Variants in LRIG1 observed in about 807,000 individuals in gnomAD.
LRIG1 encodes the protein leucine rich repeats and immunoglobulin like domains 1, also known as leucine-rich repeats and immunoglobulin-like domains protein 1.
A neutral mutation model predicts 99.2 loss-of-function variants in LRIG1; 48 were observed. The ratio of observed to expected loss-of-function variants is 0.48; its 90% confidence interval spans 0.38 to 0.62. LRIG1 has a LOEUF of 0.62. Among genes scored for constraint, LRIG1 ranks in the 20% least tolerant of loss-of-function variants. LRIG1 has a pLI of 0.00. For missense variants in LRIG1, 1,646 were observed against 1,434.4 expected, an observed-to-expected ratio of 1.15 and a Z score of -2.38; for synonymous variants, 772 against 596.1, an observed-to-expected ratio of 1.29 and a Z score of -4.30.
In LRIG1 at chr3:66,385,988, G is replaced by A. The variant is rs11553628; in HGVS notation, c.1782C>T (p.Thr594=). The change falls in exon 13 of 19, where the codon ACC becomes ACT. Residue 594 remains threonine (T), a synonymous_variant. Transcript: ENST00000273261. ...GSTYSHKARL[T]VNVLPSFTKT... Reference sequence around the variant, plus strand: ...AAGATGGTGTTTCCATACCATTCACGGTGAGCCTGGCCTTATGTGAATAGG... The same window carrying A: ...AAGATGGTGTTTCCATACCATTCACAGTGAGCCTGGCCTTATGTGAATAGG... 3.5e-3 allele frequency: 5,695 copies of A among 1,613,364 alleles called. 15 individuals carry two copies. Among genetic ancestry groups the A allele is most frequent in the Non-Finnish European group, 4.2e-3 (4,936 of 1,179,426 alleles).
At chr3:66,476,685 C>T (rs1408439220) in intron 1 of LRIG1, among the ~76,000 whole-genome samples, 1 of 152,194 alleles carries the variant, frequency 6.6e-6, no homozygotes, top group Non-Finnish European at 1.5e-5. Flanking sequence ...CATTAAAGAA[C>T]CTGCCTCAAA....
chr3:66,381,990 C>A (rs774348549), intron 16 of LRIG1, among the ~76,000 whole-genome samples: 2 of 152,158 alleles, frequency 1.3e-5, no homozygotes, highest in African/African-American at 4.8e-5. Context: ...GTTCATGCAC[C>A]GTAATGCCCT....
At chr3:66,451,657 T>G in intron 2 of LRIG1, 24 bp from the exon 3 acceptor site, 1 of 1,570,156 alleles carries the variant, frequency 6.4e-7, no homozygotes, top group South Asian at 1.1e-5. Flanking sequence ...AAGAAATTAA[T>G]CATGTAAGGC....
At chr3:66,434,144 A>G (rs528747727) in intron 3 of LRIG1, among the ~76,000 whole-genome samples, 9 of 152,254 alleles carry the variant, frequency 5.9e-5, no homozygotes, top group Non-Finnish European at 1.2e-4. Flanking sequence ...TAAGATGAAA[A>G]GACAAGCTAC....
intron 1 of LRIG1, among the ~76,000 whole-genome samples, chr3:66,493,851 AAGAG>A (rs1241697555): frequency 2.0e-5 from 3 of 151,042 alleles, no homozygotes; most frequent in Admixed American, 6.6e-5. Flanking sequence ...GAGAGAGAGA[AAGAG>A]AAAGAAAGGA....
At chr3:66,422,043 A>C (rs1702835579) in intron 3 of LRIG1, among the ~76,000 whole-genome samples, 2 of 152,222 alleles carry the variant, frequency 1.3e-5, no homozygotes, top group Admixed American at 6.5e-5. Context: ...GCTGGAACAC[A>C]GGACACCATG....
At chr3:66,475,769 G>C (rs558043314) in intron 1 of LRIG1, among the ~76,000 whole-genome samples, 1 of 152,292 alleles carries the variant, frequency 6.6e-6, no homozygotes, top group African/African-American at 2.4e-5. Flanking sequence ...GGTTTATAAG[G>C]TCACAAGCAC....
At chr3:66,401,344 C>T (rs1050064401) in intron 9 of LRIG1, among the ~76,000 whole-genome samples, 1 of 152,218 alleles carries the variant, frequency 6.6e-6, no homozygotes, top group African/African-American at 2.4e-5. Flanking sequence ...CCAACTTCTA[C>T]TCTTACTCAG....
chr3:66,380,198 T>C lies in LRIG1; in HGVS notation c.*65A>G, dbSNP rs1242665009. 5 of 1,382,636 alleles carry C rather than the reference T, an allele frequency of 3.6e-6. No homozygotes were observed. Among genetic ancestry groups the C allele is most frequent in the Non-Finnish European group, 5.0e-6 (5 of 1,006,316 alleles). The allele number at this position is 1,382,636 out of a possible 1,614,324, so 85.6% of individuals were successfully genotyped here. A position where few individuals can be genotyped will look rare whatever the true frequency, so the allele number is the denominator to read the frequency against. On this transcript the variant is annotated 3_prime_UTR_variant, in exon 19 of 19. Transcript: ENST00000273261. The stretch of plus-strand genomic sequence containing the variant: ...GAGTGACGCTTGAACCCAAGCTTCC[T>C]CGCAGCCTCTCCTACCTCTCTTTCC...
At chr3:66,492,730 A>G (rs979805407) in intron 1 of LRIG1, among the ~76,000 whole-genome samples, 5 of 152,226 alleles carry the variant, frequency 3.3e-5, no homozygotes, top group Non-Finnish European at 7.3e-5. Context: ...GTTCATAAGG[A>G]AACCAAAATG....
intron 1 of LRIG1, among the ~76,000 whole-genome samples, chr3:66,488,646 A>T (rs955604772): frequency 3.1e-4 from 47 of 152,066 alleles, no homozygotes; most frequent in Admixed American, 1.7e-3. Context: ...CAAAAAAGAA[A>T]AAGGAAGCCA....
chr3:66,441,645 A>T (rs1703544577), intron 3 of LRIG1, among the ~76,000 whole-genome samples: 1 of 152,230 alleles, frequency 6.6e-6, no homozygotes, highest in African/African-American at 2.4e-5. Flanking sequence ...CTGCATTTGC[A>T]GGGTAGGAGC....
chr3:66,397,205 C>G (rs1701882365), intron 11 of LRIG1, among the ~76,000 whole-genome samples: 1 of 152,176 alleles, frequency 6.6e-6, no homozygotes, highest in Non-Finnish European at 1.5e-5. Context: ...CTGGTGTCAC[C>G]CGGCCCGCTT....
In LRIG1 at chr3:66,381,535, T is replaced by C. The variant is rs530106266; in HGVS notation, c.2714A>G (p.Lys905Arg). The part of the protein sequence containing the change: ...PKLCAGSAYH[K>R]EPWKAMEKAE... ...TTTCTCCATCGCTTTCCACGGCTCT[T>C]TGTGATACGCAGACCCAGCACAGAG... The change falls in exon 17 of 19, where the codon AAA becomes AGA. Residue 905 changes from lysine (K) to arginine (R), a missense_variant. Physicochemically the swap from Lys to Arg is conservative, Grantham distance 26 (BLOSUM62 2). Coordinates refer to ENST00000273261, the MANE Select transcript of LRIG1 (RefSeq NM_015541.3). The C allele has an allele frequency of 1.2e-6, 2 of 1,614,076 alleles. No individual in the cohort carries two copies. Among genetic ancestry groups the C allele is most frequent in the Middle Eastern group, 1.6e-4 (1 of 6,062 alleles).
chr3:66,472,297 C>A (rs1700615446), intron 1 of LRIG1, among the ~76,000 whole-genome samples: 1 of 73,742 alleles, frequency 1.4e-5, no homozygotes. Context: ...GAGCAAGACT[C>A]TGTCTCAAAA....
chr3:66,383,170 GTGT>G lies in LRIG1; in HGVS notation c.2300_2302del (p.Asn767del). ...GCTGTGAGCTCGCTCCGTGCCCAGG[GTGT>G]TGGACATCTCACAGGTATATCGGCC... On this transcript the variant is annotated inframe_deletion, in exon 15 of 19. Transcript: ENST00000273261. 1 of 1,614,252 alleles carries G rather than the reference GTGT, an allele frequency of 6.2e-7. No homozygotes were observed. The highest frequency in any genetic ancestry group is 8.5e-7 in the Non-Finnish European group (1 of 1,180,052).
At chr3:66,484,224 A>T (rs1700917023) in intron 1 of LRIG1, among the ~76,000 whole-genome samples, 1 of 152,140 alleles carries the variant, frequency 6.6e-6, no homozygotes, top group South Asian at 2.1e-4. Context: ...TGGCAGAGGT[A>T]TTTCCACAGG....
Position 66,410,191 on chromosome 3 carries a change from G to T in LRIG1, c.873C>A (p.Ser291Arg), listed in dbSNP as rs1170432808. 2 of 1,614,196 alleles carry T rather than the reference G, an allele frequency of 1.2e-6. No individual in the cohort carries two copies. Among genetic ancestry groups the T allele is most frequent in the South Asian group, 2.2e-5 (2 of 91,090 alleles). ...GGTGAATGCGAGCGATGGAATTGTT[G>T]CTGAGGTGGAGCTGATGCAGGGCCG... Reference protein sequence around the residue: ...GLTALHQLHLSNNSIARIHRK... With the variant: ...GLTALHQLHLRNNSIARIHRK... The change falls in exon 7 of 19, where the codon AGC becomes AGA. Residue 291 changes from serine to arginine, a missense_variant. Physicochemically the swap from Ser to Arg is moderately radical, Grantham distance 110. Coordinates refer to ENST00000273261, the MANE Select transcript of LRIG1 (RefSeq NM_015541.3).
chr3:66,452,231 T>C (rs1051640966), intron 2 of LRIG1, among the ~76,000 whole-genome samples: 3 of 152,192 alleles, frequency 2.0e-5, no homozygotes, highest in African/African-American at 7.2e-5. Flanking sequence ...ATACACACAC[T>C]TTTGCGCATA....
Sources: gnomAD v4.1 joint callset for allele counts (sites outside exome capture counted in the v4.1 genomes callset) on GRCh38, gnomAD v4.1.1 for gene constraint, MANE v1.5 for transcripts, NCBI Gene and HGNC (gene_info 2026-07-23, HGNC 2026-07-21) for gene names.